TMEM273: variants seen among roughly 807,000 people sequenced by gnomAD.
TMEM273 encodes chromosome 10 open reading frame 128.
Under a neutral mutation model 17.9 loss-of-function variants are expected in TMEM273, and 19 were observed. That is an observed-to-expected ratio of 1.06 (90% CI 0.74 to 1.55). The LOEUF (loss-of-function observed/expected upper bound fraction) is 1.55. Ranked by LOEUF, TMEM273 falls within the 40% of genes most tolerant of loss-of-function variation. The probability of loss-of-function intolerance (pLI) is 0.00; values close to 1 mark genes in which losing one functional copy is unlikely to be tolerated. For synonymous variants in TMEM273, 66 were observed against 62.0 expected (o/e 1.07, Z -0.31); for missense variants, 194 against 155.6 (o/e 1.25, Z -1.31).
chr10:49,172,931 C>A (rs530546375), intron 1 of TMEM273, among the ~76,000 whole-genome samples: 11 of 152,340 alleles, frequency 7.2e-5, no homozygotes, highest in African/African-American at 2.6e-4. Context: ...CCCTGCCTGA[C>A]CAATTAGCAC....
intron 4 of TMEM273, among the ~76,000 whole-genome samples, 171 bp downstream of exon 4, chr10:49,165,595 A>C (rs1846126023): frequency 1.3e-5 from 2 of 152,190 alleles, no homozygotes; most frequent in East Asian, 1.9e-4. Context: ...ACACCTGCCC[A>C]CTGGTCCAGA....
chr10:49,161,294 C>T (rs1845826048), intron 6 of TMEM273: 1 of 431,448 alleles, frequency 2.3e-6, no homozygotes, highest in African/African-American at 2.0e-5. Flanking sequence ...AGATTGGACA[C>T]TATCATAGGA....
chr10:49,169,077 A>G (rs1299595405), intron 1 of TMEM273, among the ~76,000 whole-genome samples: 3 of 152,244 alleles, frequency 2.0e-5, no homozygotes, highest in Non-Finnish European at 4.4e-5. Flanking sequence ...CTGAGAGTCC[A>G]GGAAGGCCTA....
chr10:49,161,659 C>G, intron 5 of TMEM273, 37 bp from the exon 6 acceptor site: 1 of 1,613,978 alleles, frequency 6.2e-7, no homozygotes, highest in South Asian at 1.1e-5. Context: ...ATTGCCTAAG[C>G]CTTAGAAGCC....
intron 1 of TMEM273, among the ~76,000 whole-genome samples, chr10:49,187,219 C>T (rs910372359): frequency 6.6e-6 from 1 of 152,174 alleles, no homozygotes; most frequent in Non-Finnish European, 1.5e-5. Flanking sequence ...TGGTGCCTGA[C>T]ATCCCTTCAC....
chr10:49,188,294 C>T lies in TMEM273; in HGVS notation c.43G>A (p.Asp15Asn), dbSNP rs937351677. 1 of 1,614,158 alleles carries T rather than the reference C, an allele frequency of 6.2e-7. No individual in the cohort carries two copies. Among genetic ancestry groups the T allele is most frequent in the Non-Finnish European group, 8.5e-7 (1 of 1,180,010 alleles). ...AGAGACCCCCGCAGTCCCCACTTACCCAGGAGGAAGAGGATCCTCAGCATG... is the reference window on the plus strand; with the variant it reads ...AGAGACCCCCGCAGTCCCCACTTACTCAGGAGGAAGAGGATCCTCAGCATG... Reference protein sequence around the residue: ...VSMLRILFLLDVGGAQVLATG... With the variant: ...VSMLRILFLLNVGGAQVLATG... The change falls in exon 1 of 7, where the codon GAT (aspartate) becomes AAT (asparagine). Residue 15 changes from aspartate (D) to asparagine (N), a missense_variant and splice_region_variant. Coordinates refer to ENST00000374153, the MANE Select transcript of TMEM273 (RefSeq NM_001288740.3).
rs767425030 is a variant in TMEM273 at position 49,155,957 on chromosome 10, T to C, written c.373-48A>G. ...GGAAGACTTATTGAGAGAGCAACTA[T>C]ACTCTAATGATTGCATGTGTTTATG... On this transcript the variant is annotated intron_variant, in intron 6 of 6. Transcript: ENST00000374153. 1.9e-6 allele frequency: 3 copies of C among 1,613,612 alleles called. No individual in the cohort carries two copies. In the South Asian group the frequency reaches 3.3e-5, roughly 18 times the overall value.
intron 5 of TMEM273, among the ~76,000 whole-genome samples, chr10:49,163,875 A>C (rs1356931712): frequency 6.6e-6 from 1 of 152,158 alleles, no homozygotes; most frequent in Non-Finnish European, 1.5e-5. Flanking sequence ...TGTCCAGCTC[A>C]TCCCAAGCGC....
intron 1 of TMEM273, among the ~76,000 whole-genome samples, chr10:49,183,819 T>C (rs1847501052): frequency 6.6e-6 from 1 of 152,134 alleles, no homozygotes; most frequent in South Asian, 2.1e-4. Flanking sequence ...GAAGTGAAAT[T>C]TTATCACACT....
At chr10:49,184,060 T>C (rs770619972) in intron 1 of TMEM273, among the ~76,000 whole-genome samples, 1 of 152,144 alleles carries the variant, frequency 6.6e-6, no homozygotes, top group Non-Finnish European at 1.5e-5. Flanking sequence ...ACATAGAATA[T>C]GTTTGCAATA....
chr10:49,187,726 C>T (rs1181845336), intron 1 of TMEM273, among the ~76,000 whole-genome samples: 2 of 152,162 alleles, frequency 1.3e-5, no homozygotes, highest in African/African-American at 4.8e-5. Flanking sequence ...GTCTTTGCCT[C>T]TCTCCTTTCT....
chr10:49,174,096 A>T (rs6537503), intron 1 of TMEM273, among the ~76,000 whole-genome samples: 5,836 of 152,318 alleles, frequency 0.038, 208 homozygotes, highest in East Asian at 0.18. Context: ...CAGGACGCTG[A>T]CATATAAAAG....
In TMEM273 at chr10:49,161,607, G is replaced by A. The variant is rs749522183; in HGVS notation, c.364C>T (p.Leu122Phe). ...EGLFKAKPQF[L>F]QKRCTGD ...TCACTCTTACAACTCACCTTTTGGA[G>A]AAATTGTGGTTTCGCCTGCAAAACA... The change falls in exon 6 of 7, where the codon CTC becomes TTC. Residue 122 changes from leucine (L) to phenylalanine (F), a missense_variant. Physicochemically the swap from Leu to Phe is conservative, Grantham distance 22. Coordinates refer to ENST00000374153, the MANE Select transcript of TMEM273 (RefSeq NM_001288740.3). 1 of 1,614,238 alleles carries A rather than the reference G, an allele frequency of 6.2e-7. No homozygotes were observed. Among genetic ancestry groups the A allele is most frequent in the Non-Finnish European group, 8.5e-7 (1 of 1,180,040 alleles).
At chr10:49,156,350 C>A in intron 6 of TMEM273, 2 of 1,122,056 alleles carry the variant, frequency 1.8e-6, no homozygotes, top group Non-Finnish European at 2.4e-6. Flanking sequence ...GAGGGTGAGA[C>A]TTCTCTGTGC....
intron 2 of TMEM273, among the ~76,000 whole-genome samples, chr10:49,167,659 A>T (rs1290490362): frequency 6.6e-6 from 1 of 152,232 alleles, no homozygotes; most frequent in Non-Finnish European, 1.5e-5. Context: ...GACAGGGCTC[A>T]GTGGGTGCTG....
intron 1 of TMEM273, among the ~76,000 whole-genome samples, chr10:49,176,551 C>T (rs994005171): frequency 1.3e-5 from 2 of 152,212 alleles, no homozygotes; most frequent in African/African-American, 4.8e-5. Context: ...AAGAGGAAAG[C>T]GTTGCATAAC....
chr10:49,187,012 G>C lies in TMEM273; in HGVS notation c.43+1282C>G, dbSNP rs188025954. Reference sequence around the variant, plus strand: ...ATTGTCTGTGATTCTTCAATGAATTGCCTGTTTATATAATTTGCACATTTT... The same window carrying C: ...ATTGTCTGTGATTCTTCAATGAATTCCCTGTTTATATAATTTGCACATTTT... On this transcript the variant is annotated intron_variant, in intron 1 of 6. Transcript: ENST00000374153. 1.7e-4 allele frequency among the ~76,000 whole-genome samples: 26 copies of C among 152,264 alleles called. No individual in the cohort carries two copies. The East Asian group carries it at 5.0e-3, about 29-fold the overall frequency.
Position 49,177,162 on chromosome 10 carries a change from G to A in TMEM273, c.44-9200C>T, listed in dbSNP as rs138662517. Reference sequence around the variant, plus strand: ...CCTGAGCCATCAGACTCACCAGCGAGTTCCCTTACCCAAGCCCTGGCTTTT... The same window carrying A: ...CCTGAGCCATCAGACTCACCAGCGAATTCCCTTACCCAAGCCCTGGCTTTT... On this transcript the variant is annotated intron_variant, in intron 1 of 6. Transcript: ENST00000374153. Among the ~76,000 whole-genome samples, 289 of 152,336 alleles carry A rather than the reference G, an allele frequency of 1.9e-3. 2 individuals carry two copies. Among genetic ancestry groups the A allele is most frequent in the African/African-American group, 6.4e-3 (268 of 41,574 alleles).
intron 6 of TMEM273, among the ~76,000 whole-genome samples, chr10:49,156,706 G>A (rs772847513): frequency 2.6e-5 from 4 of 152,212 alleles, no homozygotes; most frequent in Non-Finnish European, 5.9e-5. Context: ...GCAGGAAGGC[G>A]GGACAGAGTG....
Sources: gnomAD v4.1 joint callset for allele counts (sites outside exome capture counted in the v4.1 genomes callset) on GRCh38, gnomAD v4.1.1 for gene constraint, MANE v1.5 for transcripts, NCBI Gene and HGNC (gene_info 2026-07-23, HGNC 2026-07-21) for gene names.